The following KSR2 variants were observed in gnomAD, a reference collection of about 807,000 sequenced individuals.
KSR2 encodes the protein kinase suppressor of ras 2.
KSR2 carries 25 observed loss-of-function variants against 107.8 expected under a neutral mutation model. The observed-to-expected ratio is 0.23, with a 90% confidence interval of 0.17 to 0.32. The LOEUF (loss-of-function observed/expected upper bound fraction) is 0.32. Among genes scored for constraint, KSR2 ranks in the 10% least tolerant of loss-of-function variants. KSR2 has a pLI of 1.00. For missense variants in KSR2, 887 were observed against 1,268.9 expected, an observed-to-expected ratio of 0.70 and a Z score of 4.57; for synonymous variants, 480 against 507.0, an observed-to-expected ratio of 0.95 and a Z score of 0.71.
chr12:117,909,475 G>A (rs10850936), intron 1 of KSR2, among the ~76,000 whole-genome samples: 75,384 of 152,070 alleles, frequency 0.5, 20,935 homozygotes, highest in East Asian at 0.89. Context: ...CCAAGATATT[G>A]TTTACCGAAG....
intron 1 of KSR2, among the ~76,000 whole-genome samples, chr12:117,934,733 C>G (rs1240446316): frequency 6.6e-6 from 1 of 152,238 alleles, no homozygotes; most frequent in Admixed American, 6.5e-5. Context: ...ATCTGGAAAT[C>G]CTGTTCACTC....
chr12:117,872,333 G>A (rs1216632397), intron 1 of KSR2, among the ~76,000 whole-genome samples: 1 of 152,160 alleles, frequency 6.6e-6, no homozygotes, highest in Non-Finnish European at 1.5e-5. Flanking sequence ...TGAGGCTGAG[G>A]CTGGAGGATC....
At chr12:117,559,435 T>C (rs187099439) in intron 7 of KSR2, among the ~76,000 whole-genome samples, 1 of 152,360 alleles carries the variant, frequency 6.6e-6, no homozygotes, top group East Asian at 1.9e-4. Flanking sequence ...TTTTATACTA[T>C]GTCATTTAAT....
chr12:117,717,515 T>A (rs559097142), intron 4 of KSR2, among the ~76,000 whole-genome samples: 1 of 152,150 alleles, frequency 6.6e-6, no homozygotes, highest in Non-Finnish European at 1.5e-5. Flanking sequence ...CAAGACCCTA[T>A]CTCAAAAATA....
In KSR2 at chr12:117,515,584, T is replaced by C. The variant is rs528595955; in HGVS notation, c.2219+9268A>G. ...AGGGGAAAAAGTAAGTGAGCAAACATAGAAGAACAAAATAATAATTATCTT... is the reference window on the plus strand; with the variant it reads ...AGGGGAAAAAGTAAGTGAGCAAACACAGAAGAACAAAATAATAATTATCTT... On this transcript the variant is annotated intron_variant, in intron 14 of 19. Coordinates refer to ENST00000339824, the MANE Select transcript of KSR2 (RefSeq NM_173598.6). Among the ~76,000 whole-genome samples, 111 of 152,242 alleles carry C rather than the reference T, an allele frequency of 7.3e-4. 2 individuals are homozygous for C. The highest frequency in any genetic ancestry group is 2.6e-3 in the African/African-American group (106 of 41,544).
intron 1 of KSR2, among the ~76,000 whole-genome samples, chr12:117,878,227 G>A (rs1423692583): frequency 1.4e-5 from 2 of 147,372 alleles, no homozygotes; most frequent in Non-Finnish European, 3.0e-5. Context: ...AGCCCTTCAT[G>A]AAAAGTAAAT....
intron 4 of KSR2, among the ~76,000 whole-genome samples, chr12:117,717,679 G>A (rs927041128): frequency 7.4e-5 from 3 of 40,606 alleles, no homozygotes; most frequent in African/African-American, 2.6e-4. Flanking sequence ...GTGTGTGTGT[G>A]TGTGTGTGTG....
At chr12:117,606,082 T>C in intron 5 of KSR2, among the ~76,000 whole-genome samples, 1 of 152,134 alleles carries the variant, frequency 6.6e-6, no homozygotes, top group South Asian at 2.1e-4. Context: ...TAGGAAATGC[T>C]GTGATTAGAT....
intron 4 of KSR2, among the ~76,000 whole-genome samples, chr12:117,681,864 T>C (rs1593125182): frequency 6.6e-6 from 1 of 152,154 alleles, no homozygotes; most frequent in East Asian, 1.9e-4. Context: ...GTGTGGCAAT[T>C]CCTCAAAGAT....
In KSR2 at chr12:117,624,016, C is replaced by T. The variant is rs199550212; in HGVS notation, c.1172-41657G>A. 1.1e-4 allele frequency among the ~76,000 whole-genome samples: 17 copies of T among 152,308 alleles called. No individual in the cohort carries two copies. In the East Asian group the frequency reaches 3.3e-3, roughly 29 times the overall value. ...CATTTTTTCATGTGTCTGTTGGTTG[C>T]ATAGATGTCTTCTTTTGAGAAGTGT... On this transcript the variant is annotated intron_variant, in intron 5 of 19. Coordinates refer to ENST00000339824, the MANE Select transcript of KSR2 (RefSeq NM_173598.6).
intron 1 of KSR2, among the ~76,000 whole-genome samples, chr12:117,890,328 G>A (rs2137353835): frequency 6.6e-6 from 1 of 152,318 alleles, no homozygotes; most frequent in South Asian, 2.1e-4. Flanking sequence ...ACAATCTCCA[G>A]CCTCTAGGGG....
chr12:117,694,845 CTTTTTTTTTTTTT>C (rs34228762), intron 4 of KSR2, among the ~76,000 whole-genome samples: 2 of 99,104 alleles, frequency 2.0e-5, no homozygotes, highest in South Asian at 7.3e-4. Flanking sequence ...TTGTATGATT[CTTTTTTTTTTTTT>C]TTTTTTTTTG....
At chr12:117,794,192 A>T (rs1174383304) in intron 3 of KSR2, among the ~76,000 whole-genome samples, 3 of 123,002 alleles carry the variant, frequency 2.4e-5, no homozygotes, top group East Asian at 2.8e-4. Context: ...ACATGCACAC[A>T]CACCATGCAC....
chr12:117,524,739 G>C, intron 14 of KSR2, 113 bp downstream of exon 14: 1 of 1,247,726 alleles, frequency 8.0e-7, no homozygotes, highest in African/African-American at 1.5e-5. Flanking sequence ...GTGCATGGTA[G>C]AACTAGAGAT....
chr12:117,829,288 A>G (rs1426745773), intron 3 of KSR2, among the ~76,000 whole-genome samples: 2 of 151,976 alleles, frequency 1.3e-5, no homozygotes, highest in Non-Finnish European at 2.9e-5. Flanking sequence ...CCCCCAACCA[A>G]TTGGTAACTT....
intron 1 of KSR2, among the ~76,000 whole-genome samples, chr12:117,941,450 A>AT (rs1566091771): frequency 2.0e-5 from 3 of 152,118 alleles, no homozygotes; most frequent in East Asian, 3.9e-4. Flanking sequence ...CAAAGTGTAC[A>AT]TTTTTTTAAA....
chr12:117,852,939 T>C (rs1892977010), intron 3 of KSR2, among the ~76,000 whole-genome samples: 2 of 152,154 alleles, frequency 1.3e-5, no homozygotes, highest in Admixed American at 6.5e-5. Flanking sequence ...ATAGCTGGGA[T>C]TACAGGCATG....
At chr12:117,539,425 G>C (rs1374347915) in intron 10 of KSR2, 3 of 359,964 alleles carry the variant, frequency 8.3e-6, no homozygotes, top group Non-Finnish European at 1.5e-5. Context: ...CTCGCCAAAA[G>C]ACAGAGTCTC....
chr12:117,700,912 C>T (rs1886276033), intron 4 of KSR2, among the ~76,000 whole-genome samples: 1 of 152,132 alleles, frequency 6.6e-6, no homozygotes, highest in Non-Finnish European at 1.5e-5. Context: ...CATTGTATTT[C>T]CTAAGTATTT....
Sources: gnomAD v4.1 joint callset for allele counts (sites outside exome capture counted in the v4.1 genomes callset) on GRCh38, gnomAD v4.1.1 for gene constraint, MANE v1.5 for transcripts, NCBI Gene and HGNC (gene_info 2026-07-23, HGNC 2026-07-21) for gene names.